Variants in PABPC4L observed in about 807,000 individuals in gnomAD.
PABPC4L encodes the protein polyadenylate-binding protein 4-like.
For missense variants in PABPC4L, 452 were observed against 451.4 expected, an observed-to-expected ratio of 1.00 and a Z score of -0.01; for synonymous variants, 169 against 164.1, an observed-to-expected ratio of 1.03 and a Z score of -0.23.
chr4:133,982,529 A>C, the PABPC4L span, among the ~76,000 whole-genome samples: 1 of 152,036 alleles, frequency 6.6e-6, no homozygotes, highest in Non-Finnish European at 1.5e-5. Flanking sequence ...AATATGCATA[A>C]TTATCAAATT....
chr4:134,153,468 T>C, the PABPC4L span, among the ~76,000 whole-genome samples: 2 of 152,176 alleles, frequency 1.3e-5, no homozygotes, highest in African/African-American at 4.8e-5. Context: ...CAAATCACAA[T>C]TTTGAGTTTG....
the PABPC4L span, among the ~76,000 whole-genome samples, chr4:134,026,855 T>C: frequency 6.6e-6 from 1 of 151,992 alleles, no homozygotes; most frequent in African/African-American, 2.4e-5. Flanking sequence ...ATGCCAAAGA[T>C]TGCCAGACAA....
chr4:133,999,066 C>A, the PABPC4L span, among the ~76,000 whole-genome samples: 1 of 151,960 alleles, frequency 6.6e-6, no homozygotes, highest in Non-Finnish European at 1.5e-5. Flanking sequence ...AACATATAGA[C>A]CTTGCTAAGC....
chr4:134,092,082 T>A, the PABPC4L span, among the ~76,000 whole-genome samples: 7 of 152,050 alleles, frequency 4.6e-5, 1 homozygote, highest in African/African-American at 1.7e-4. Flanking sequence ...GTGTTTGTGA[T>A]ACAGACAGGA....
chr4:134,032,678 A>C, the PABPC4L span, among the ~76,000 whole-genome samples: 1 of 151,846 alleles, frequency 6.6e-6, no homozygotes, highest in African/African-American at 2.4e-5. Context: ...TAGGTTTTAT[A>C]ATAAGAGGTG....
At chr4:133,965,255 C>T in the PABPC4L span, among the ~76,000 whole-genome samples, 103 of 152,012 alleles carry the variant, frequency 6.8e-4, no homozygotes, top group Non-Finnish European at 1.3e-3. Flanking sequence ...AGGAATATAC[C>T]TAACCAAGGA....
At chr4:134,145,172 C>T in the PABPC4L span, among the ~76,000 whole-genome samples, 1 of 151,642 alleles carries the variant, frequency 6.6e-6, no homozygotes, top group Non-Finnish European at 1.5e-5. Context: ...ACTTGATGAG[C>T]CTATCTGACA....
chr4:134,065,624 A>G, the PABPC4L span, among the ~76,000 whole-genome samples: 1 of 151,988 alleles, frequency 6.6e-6, no homozygotes. Flanking sequence ...TAGTTTAATG[A>G]TTCCCATTTA....
the PABPC4L span, among the ~76,000 whole-genome samples, chr4:134,011,332 A>C: frequency 1.3e-5 from 2 of 152,130 alleles, no homozygotes; most frequent in Non-Finnish European, 2.9e-5. Context: ...TTTCATTTTG[A>C]AAATCATAGA....
At chr4:134,001,937 A>G in the PABPC4L span, among the ~76,000 whole-genome samples, 294 of 152,138 alleles carry the variant, frequency 1.9e-3, 1 homozygote, top group African/African-American at 6.7e-3. Flanking sequence ...TGATTTCAGA[A>G]TCAAGTGGAT....
the PABPC4L span, among the ~76,000 whole-genome samples, chr4:134,113,909 G>T: frequency 6.6e-6 from 1 of 150,712 alleles, no homozygotes; most frequent in Non-Finnish European, 1.5e-5. Context: ...AATGGAAAAA[G>T]GAATGTAAAT....
chr4:134,029,216 C>T, the PABPC4L span, among the ~76,000 whole-genome samples: 2 of 152,012 alleles, frequency 1.3e-5, no homozygotes, highest in Non-Finnish European at 2.9e-5. Flanking sequence ...TACCATGTTC[C>T]AGCAGGATCC....
At chr4:134,099,926 A>G in the PABPC4L span, among the ~76,000 whole-genome samples, 1 of 151,764 alleles carries the variant, frequency 6.6e-6, no homozygotes, top group Non-Finnish European at 1.5e-5. Context: ...GGAAATGGTA[A>G]ACATTTTAAT....
At chr4:134,070,388 C>A in the PABPC4L span, among the ~76,000 whole-genome samples, 824 of 152,098 alleles carry the variant, frequency 5.4e-3, 7 homozygotes, top group African/African-American at 0.019. Flanking sequence ...TTTTTGCAGG[C>A]CTTCATACCA....
At chr4:134,071,596 T>G in the PABPC4L span, among the ~76,000 whole-genome samples, 1 of 152,124 alleles carries the variant, frequency 6.6e-6, no homozygotes, top group Admixed American at 6.6e-5. Context: ...GAAGATAATT[T>G]AAATGAAATA....
chr4:134,150,265 G>A, the PABPC4L span, among the ~76,000 whole-genome samples: 1 of 151,758 alleles, frequency 6.6e-6, no homozygotes, highest in Admixed American at 6.6e-5. Flanking sequence ...TGTATTTTTA[G>A]TAGAGACAGG....
chr4:134,048,642 C>A, the PABPC4L span, among the ~76,000 whole-genome samples: 1 of 152,094 alleles, frequency 6.6e-6, no homozygotes, highest in Non-Finnish European at 1.5e-5. Context: ...TTTGTCTTCT[C>A]TCTTACTTGT....
chr4:133,979,554 C>T, the PABPC4L span, among the ~76,000 whole-genome samples: 4 of 152,188 alleles, frequency 2.6e-5, no homozygotes, highest in Admixed American at 2.6e-4. Flanking sequence ...GCATCGCTTG[C>T]CTGGGCTTTC....
At chr4:134,087,569 G>C in the PABPC4L span, among the ~76,000 whole-genome samples, 24 of 152,268 alleles carry the variant, frequency 1.6e-4, no homozygotes, top group East Asian at 4.7e-3. Context: ...GTGCAATGCA[G>C]TCTCTGGAGG....
Sources: gnomAD v4.1 joint callset for allele counts (sites outside exome capture counted in the v4.1 genomes callset) on GRCh38, gnomAD v4.1.1 for gene constraint, MANE v1.5 for transcripts, NCBI Gene and HGNC (gene_info 2026-07-23, HGNC 2026-07-21) for gene names.